Variants in IFT43 observed in about 807,000 individuals in gnomAD.
IFT43 encodes the protein intraflagellar transport 43.
A neutral mutation model predicts 32.3 loss-of-function variants in IFT43; 33 were observed. That is an observed-to-expected ratio of 1.02 (90% confidence interval 0.77 to 1.37). IFT43 has a LOEUF of 1.37. Among genes scored for constraint, IFT43 ranks in the 40% most tolerant of loss-of-function variants. IFT43 has a pLI of 0.00. For missense variants in IFT43, 274 were observed against 265.9 expected, an observed-to-expected ratio of 1.03 and a Z score of -0.21; for synonymous variants, 93 against 98.2, an observed-to-expected ratio of 0.95 and a Z score of 0.31.
chr14:76,062,858 A>G (rs1041323242), intron 5 of IFT43, among the ~76,000 whole-genome samples: 3 of 134,870 alleles, frequency 2.2e-5, no homozygotes. Flanking sequence ...CAGAGGTTGC[A>G]GTGAGGCGGA....
At chr14:75,989,766 T>C (rs2035601208) in intron 2 of IFT43, among the ~76,000 whole-genome samples, 1 of 152,192 alleles carries the variant, frequency 6.6e-6, no homozygotes, top group Non-Finnish European at 1.5e-5. Flanking sequence ...GAAACCTGGC[T>C]TCTAGCTTGC....
intron 2 of IFT43, among the ~76,000 whole-genome samples, chr14:76,021,615 G>A (rs2036293750): frequency 6.6e-6 from 1 of 152,108 alleles, no homozygotes; most frequent in Non-Finnish European, 1.5e-5. Context: ...GTATTTTCAT[G>A]TGTATTTTAC....
At chr14:76,063,295 G>T (rs868462607) in intron 5 of IFT43, among the ~76,000 whole-genome samples, 48 of 152,228 alleles carry the variant, frequency 3.2e-4, no homozygotes, top group South Asian at 4.1e-4. Context: ...AGTCAAGGAG[G>T]TTGTGCTCAA....
chr14:75,986,309 G>C (rs2035526221), intron 1 of IFT43: 1 of 1,245,360 alleles, frequency 8.0e-7, no homozygotes, highest in East Asian at 5.7e-5. Context: ...TTTCTTCCCG[G>C]TAATCCCCGT....
Position 76,048,691 on chromosome 14 carries a change from A to T in IFT43, c.216-9951A>T, listed in dbSNP as rs143017175. On this transcript the variant is annotated intron_variant, in intron 3 of 8. Coordinates refer to ENST00000314067, the MANE Select transcript of IFT43 (RefSeq NM_001102564.3). The stretch of plus-strand genomic sequence containing the variant: ...GGTCAGTGATTTTACCTTTTGACCC[A>T]TGCTGCCCCCACCAGAGCTGAATAC... 2.8e-3 allele frequency among the ~76,000 whole-genome samples: 426 copies of T among 152,250 alleles called. 4 individuals carry two copies. The highest frequency in any genetic ancestry group is 9.8e-3 in the African/African-American group (406 of 41,564).
Position 76,022,409 on chromosome 14 carries a change from C to G in IFT43, c.215+15C>G, listed in dbSNP as rs1204999440. The G allele has an allele frequency of 6.6e-7, 1 of 1,513,916 alleles. No homozygotes were observed. The highest frequency in any genetic ancestry group is 1.7e-5 in the Admixed American group (1 of 59,860). The allele number at this position is 1,513,916 out of a possible 1,614,324, so 93.8% of individuals were successfully genotyped here. ...AAGGCTTCGAAGTGAGTACCAGCAGCTCATAAGAGTATGGGTGGGGGTGCA... is the reference window on the plus strand; with the variant it reads ...AAGGCTTCGAAGTGAGTACCAGCAGGTCATAAGAGTATGGGTGGGGGTGCA... On this transcript the variant is annotated intron_variant, in intron 3 of 8. Transcript: ENST00000314067.
chr14:75,992,574 C>G (rs1439471322), intron 2 of IFT43, among the ~76,000 whole-genome samples: 1 of 152,072 alleles, frequency 6.6e-6, no homozygotes, highest in South Asian at 2.1e-4. Flanking sequence ...GAGGCAGGGT[C>G]TTGCTCTGTC....
intron 2 of IFT43, among the ~76,000 whole-genome samples, chr14:75,998,585 A>T (rs1405591815): frequency 2.0e-5 from 3 of 152,258 alleles, no homozygotes; most frequent in Non-Finnish European, 4.4e-5. Flanking sequence ...TATGGTGTCC[A>T]GAAGCCAAGA....
intron 4 of IFT43, 112 bp downstream of exon 4, chr14:76,058,786 T>A: frequency 6.3e-7 from 1 of 1,594,896 alleles, no homozygotes; most frequent in Non-Finnish European, 8.5e-7. Flanking sequence ...GTTAGAAGTC[T>A]GGGGCTAGAA....
At chr14:76,003,271 T>C (rs2035923045) in intron 2 of IFT43, among the ~76,000 whole-genome samples, 1 of 152,160 alleles carries the variant, frequency 6.6e-6, no homozygotes, top group Non-Finnish European at 1.5e-5. Flanking sequence ...TACTTTTTTT[T>C]TTAGTGATTA....
At chr14:76,001,374 A>C (rs1436506803) in intron 2 of IFT43, among the ~76,000 whole-genome samples, 1 of 152,210 alleles carries the variant, frequency 6.6e-6, no homozygotes, top group Non-Finnish European at 1.5e-5. Context: ...ATTTACCAGA[A>C]ATACTTACAT....
intron 2 of IFT43, among the ~76,000 whole-genome samples, chr14:76,019,069 A>G (rs554257429): frequency 6.6e-6 from 1 of 152,102 alleles, no homozygotes; most frequent in African/African-American, 2.4e-5. Flanking sequence ...GTTGTTTTAT[A>G]TATCCTTTTT....
At chr14:76,082,054 T>A (rs1432495421) in intron 5 of IFT43, among the ~76,000 whole-genome samples, 1 of 152,130 alleles carries the variant, frequency 6.6e-6, no homozygotes, top group Non-Finnish European at 1.5e-5. Context: ...GGGAAAAAAA[T>A]CTGGATGCTT....
intron 1 of IFT43, among the ~76,000 whole-genome samples, chr14:75,988,605 G>A (rs1265031141): frequency 6.6e-6 from 1 of 151,928 alleles, no homozygotes; most frequent in Non-Finnish European, 1.5e-5. Context: ...TGCAACCTCC[G>A]CCTCCCAGGT....
At chr14:76,078,627 G>A (rs1214423099) in intron 5 of IFT43, among the ~76,000 whole-genome samples, 1 of 152,234 alleles carries the variant, frequency 6.6e-6, no homozygotes. Flanking sequence ...GAACAGCTGT[G>A]AGATAGCCAA....
At chr14:75,999,426 C>T (rs2035842057) in intron 2 of IFT43, among the ~76,000 whole-genome samples, 1 of 149,912 alleles carries the variant, frequency 6.7e-6, no homozygotes, top group Admixed American at 6.6e-5. Context: ...TCACACCTGG[C>T]ACATTTATAT....
At chr14:75,997,952 AAAAAC>A (rs542809856) in intron 2 of IFT43, among the ~76,000 whole-genome samples, 37 of 152,214 alleles carry the variant, frequency 2.4e-4, no homozygotes, top group Non-Finnish European at 4.4e-4. Context: ...CTTAAGATAA[AAAAAC>A]AAAACAAAAC....
At chr14:76,006,289 G>T (rs2035980277) in intron 2 of IFT43, among the ~76,000 whole-genome samples, 2 of 152,178 alleles carry the variant, frequency 1.3e-5, no homozygotes, top group African/African-American at 4.8e-5. Flanking sequence ...GGCAGGAGTG[G>T]GGAGGGTCTT....
rs2037546432 is a variant in IFT43 at position 76,083,234 on chromosome 14, A to G, written c.452A>G (p.Glu151Gly). 2 of 1,614,062 alleles carry G rather than the reference A, an allele frequency of 1.2e-6. No individual in the cohort carries two copies. Among genetic ancestry groups the G allele is most frequent in the African/African-American group, 1.3e-5 (1 of 74,996 alleles). ...TTTTGTTTGCATTCACAGGATGGGG[A>G]GATCGACCTGAAACTCCTCACCAAA... ...KYSAIQTLDG[E>G]IDLKLLTKVL... Residue 151 changes from glutamate (E) to glycine (G), a missense_variant, in exon 8 of 9, where the codon GAG becomes GGG. Physicochemically the swap from Glu to Gly is moderately conservative, Grantham distance 98. Coordinates refer to ENST00000314067, the MANE Select transcript of IFT43 (RefSeq NM_001102564.3).
Sources: allele counts gnomAD v4.1 joint callset (sites outside exome capture counted in the v4.1 genomes callset), GRCh38; gene constraint gnomAD v4.1.1; transcripts MANE v1.5; gene names NCBI Gene and HGNC (gene_info 2026-07-23, HGNC 2026-07-21).